The following IQCH variants were observed in gnomAD, a reference collection of about 807,000 sequenced individuals.
IQCH encodes IQ domain-containing protein H.
A neutral mutation model predicts 117.0 loss-of-function variants in IQCH; 98 were observed. The observed-to-expected ratio is 0.84, with a 90% CI of 0.71 to 0.99. The LOEUF (loss-of-function observed/expected upper bound fraction) is 0.99, where lower values mean the gene tolerates loss of function less well. Among genes scored for constraint, IQCH ranks in the 50% least tolerant of loss-of-function variants. The probability of loss-of-function intolerance (pLI) is 0.00; values close to 1 mark genes in which losing one functional copy is unlikely to be tolerated. For synonymous variants in IQCH, 412 were observed against 448.2 expected, an observed-to-expected ratio of 0.92 and a Z score of 1.02; for missense variants, 1,102 against 1,243.8, an observed-to-expected ratio of 0.89 and a Z score of 1.72.
intron 5 of IQCH, among the ~76,000 whole-genome samples, chr15:67,341,614 A>G (rs1164899077): frequency 6.6e-6 from 1 of 152,184 alleles, no homozygotes; most frequent in Admixed American, 6.5e-5. Flanking sequence ...CGTTTTGCTC[A>G]TCTCAGTGGG....
chr15:67,287,990 T>C lies in IQCH; in HGVS notation c.387+8478T>C, dbSNP rs181465166. Reference sequence around the variant, plus strand: ...GAAATTTTTCAGTTTTCTTAATTTCTTCATTGACCCACTGGTCATTCAGGA... The same window carrying C: ...GAAATTTTTCAGTTTTCTTAATTTCCTCATTGACCCACTGGTCATTCAGGA... On this transcript the variant is annotated intron_variant, in intron 4 of 20. Transcript: ENST00000335894. Among the ~76,000 whole-genome samples, 284 of 152,240 alleles carry C rather than the reference T, an allele frequency of 1.9e-3. 1 individual carries two copies. The highest frequency in any genetic ancestry group is 5.3e-3 in the Admixed American group (80 of 15,212).
chr15:67,478,816 C>T lies in IQCH; in HGVS notation c.2799+2998C>T, dbSNP rs758411788. On this transcript the variant is annotated intron_variant, in intron 18 of 20. Transcript: ENST00000335894. ...GCAGGCGCCTGTAATCCTAGCTACT[C>T]GGGAGGCTGAGGCAGGAGAATGGCT... 9.2e-5 allele frequency among the ~76,000 whole-genome samples: 14 copies of T among 151,814 alleles called. 1 individual carries two copies. Among genetic ancestry groups the T allele is most frequent in the African/African-American group, 1.7e-4 (7 of 41,390 alleles).
chr15:67,304,229 T>C (rs900856044), intron 4 of IQCH: 1 of 557,006 alleles, frequency 1.8e-6, no homozygotes, highest in Non-Finnish European at 3.1e-6. Context: ...CAGTGAGAAT[T>C]TCATTAAAAT....
intron 10 of IQCH, among the ~76,000 whole-genome samples, chr15:67,382,429 A>C (rs955758860): frequency 4.6e-5 from 7 of 152,202 alleles, no homozygotes; most frequent in African/African-American, 1.7e-4. Context: ...TCCATTAGCA[A>C]CTTTATTTCT....
In IQCH at chr15:67,382,132, A is replaced by G. The variant is rs144566439; in HGVS notation, c.1373-2804A>G. Among the ~76,000 whole-genome samples, 831 of 152,334 alleles carry G rather than the reference A, an allele frequency of 5.5e-3. 9 individuals are homozygous for G. The highest frequency in any genetic ancestry group is 0.019 in the African/African-American group (795 of 41,578). ...GTGATGCAGGGGAAAGAAGAAATGG[A>G]CAACAAAGTAAACAACCAAGCAAAG... On this transcript the variant is annotated intron_variant, in intron 10 of 20. Coordinates refer to ENST00000335894, the MANE Select transcript of IQCH (RefSeq NM_001031715.3).
chr15:67,468,727 T>C (rs1469185584), intron 17 of IQCH, among the ~76,000 whole-genome samples: 3 of 152,236 alleles, frequency 2.0e-5, no homozygotes. Context: ...CTTGGATTAT[T>C]TTATCAAACA....
At chr15:67,460,901 T>C (rs1465098970) in intron 16 of IQCH, among the ~76,000 whole-genome samples, 1 of 152,218 alleles carries the variant, frequency 6.6e-6, no homozygotes, top group Non-Finnish European at 1.5e-5. Context: ...AAGCCAGTTA[T>C]TATAAGTCAT....
Position 67,393,186 on chromosome 15 carries a change from A to G in IQCH, c.1633-2105A>G, listed in dbSNP as rs1971343984. 6.6e-6 allele frequency among the ~76,000 whole-genome samples: 1 copy of G among 152,198 alleles called. No individual in the cohort carries two copies. The stretch of plus-strand genomic sequence containing the variant: ...CTAGAGACTTCTAATCCAACCCCTC[A>G]TTTGAATATGAGAAATTGAGACTCA... On this transcript the variant is annotated intron_variant, in intron 12 of 20. Transcript: ENST00000335894. The surrounding 1 kb of genome is among the most constrained non-coding windows in gnomAD (Gnocchi z 5.5).
At chr15:67,354,457 T>A (rs1448793268) in intron 6 of IQCH, among the ~76,000 whole-genome samples, 1 of 152,178 alleles carries the variant, frequency 6.6e-6, no homozygotes, top group African/African-American at 2.4e-5. Context: ...TGAACCTGAT[T>A]GTTGTTATCA....
chr15:67,434,072 ATG>A (rs58580724), intron 16 of IQCH, among the ~76,000 whole-genome samples: 5 of 151,420 alleles, frequency 3.3e-5, no homozygotes, highest in East Asian at 1.9e-4. Context: ...TCTCACTTGG[ATG>A]TGTGTGTGTG....
intron 4 of IQCH, among the ~76,000 whole-genome samples, chr15:67,295,449 C>T (rs1430991222): frequency 6.6e-6 from 1 of 152,158 alleles, no homozygotes; most frequent in African/African-American, 2.4e-5. Context: ...GCCCTTTGAT[C>T]GTTTTCTTCT....
intron 6 of IQCH, among the ~76,000 whole-genome samples, chr15:67,347,203 GAA>G (rs536203507): frequency 2.7e-5 from 3 of 111,680 alleles, no homozygotes; most frequent in Non-Finnish European, 1.9e-5. Flanking sequence ...ATGGAAAATA[GAA>G]AAAAAAAAAA....
In IQCH at chr15:67,385,302, C is replaced by T. The variant is rs995310673; in HGVS notation, c.1456+283C>T. Among the ~76,000 whole-genome samples the T allele has an allele frequency of 2.0e-5, 3 of 151,932 alleles. No individual in the cohort carries two copies. The highest frequency in any genetic ancestry group is 1.3e-4 in the Admixed American group (2 of 15,226). ...GGATCAGAATTTCTCTCCTATAAAC[C>T]GAAATCTTTATTTACTGAATCTTAC... On this transcript the variant is annotated intron_variant, in intron 11 of 20. Transcript: ENST00000335894. This position sits in a 1 kb window ranked among gnomAD's most constrained non-coding sequence, Gnocchi z 4.6.
At chr15:67,484,405 C>CAA (rs112240255) in intron 18 of IQCH, among the ~76,000 whole-genome samples, 2 of 137,376 alleles carry the variant, frequency 1.5e-5, no homozygotes, top group African/African-American at 2.7e-5. Flanking sequence ...GACCCAGTCT[C>CAA]AAAAAAAAAA....
chr15:67,276,785 G>A (rs991904438), intron 3 of IQCH, among the ~76,000 whole-genome samples: 21 of 152,084 alleles, frequency 1.4e-4, no homozygotes, highest in African/African-American at 5.1e-4. Context: ...AATATGATAT[G>A]TATAGGTGTA....
rs146532001 is a variant in IQCH at position 67,493,494 on chromosome 15, G to A, written c.2862-764G>A. On this transcript the variant is annotated intron_variant, in intron 19 of 20. Transcript: ENST00000335894. This position sits in a 1 kb window ranked among gnomAD's most constrained non-coding sequence, Gnocchi z 5.1. ...AGGGCACATTCTCCTCTGAACATAG[G>A]CAGGACACTCTCATTAAGTGATAGG... is the stretch of plus-strand genomic sequence containing the variant. 6.6e-6 allele frequency among the ~76,000 whole-genome samples: 1 copy of A among 152,262 alleles called. No homozygotes were observed. The highest frequency in any genetic ancestry group is 2.4e-5 in the African/African-American group (1 of 41,518).
In IQCH at chr15:67,394,372, T is replaced by C. The variant is rs148444653; in HGVS notation, c.1633-919T>C. Among the ~76,000 whole-genome samples the C allele has an allele frequency of 3.7e-3, 564 of 152,322 alleles. 3 individuals are homozygous for C. The highest frequency in any genetic ancestry group is 6.8e-3 in the Middle Eastern group (2 of 294). On this transcript the variant is annotated intron_variant, in intron 12 of 20. Coordinates refer to ENST00000335894, the MANE Select transcript of IQCH (RefSeq NM_001031715.3). ...GTAGATACTGTTATTACACTCATTT[T>C]ACAGATGAGGAAACAGGCACAAGGA...
chr15:67,430,139 C>T lies in IQCH; in HGVS notation c.2505+8562C>T, dbSNP rs944820919. On this transcript the variant is annotated intron_variant, in intron 16 of 20. Transcript: ENST00000335894. The surrounding 1 kb of genome is among the most constrained non-coding windows in gnomAD (Gnocchi z 5.1). ...AGAGTACATGGCACTCCAGAATACA[C>T]AGAGCTACAAGGCAGCCATGTTGGA... Among the ~76,000 whole-genome samples the T allele has an allele frequency of 2.6e-5, 4 of 152,092 alleles. No individual in the cohort carries two copies. Among genetic ancestry groups the T allele is most frequent in the Non-Finnish European group, 5.9e-5 (4 of 68,020 alleles).
chr15:67,267,401 G>A (rs572730155), intron 3 of IQCH, among the ~76,000 whole-genome samples: 84 of 152,352 alleles, frequency 5.5e-4, no homozygotes, highest in African/African-American at 1.9e-3. Flanking sequence ...TTCTAATGCA[G>A]ATGATTTGTC....
Sources: gnomAD v4.1 joint callset for allele counts (sites outside exome capture counted in the v4.1 genomes callset) on GRCh38, gnomAD v4.1.1 for gene constraint, Gnocchi (gnomAD v3.1) non-coding constraint, MANE v1.5 for transcripts, NCBI Gene and HGNC (gene_info 2026-07-23, HGNC 2026-07-21) for gene names.